SLC24A2: variants seen among roughly 807,000 people sequenced by gnomAD.
The protein encoded by SLC24A2 is sodium/potassium/calcium exchanger 2.
A neutral mutation model predicts 62.0 loss-of-function variants in SLC24A2; 36 were observed. The ratio of observed to expected loss-of-function variants is 0.58; its 90% CI spans 0.44 to 0.77. The LOEUF (loss-of-function observed/expected upper bound fraction) is 0.77, where lower values mean the gene tolerates loss of function less well. Ranked by LOEUF, SLC24A2 falls within the 30% of genes least tolerant of loss-of-function variation. SLC24A2 has a pLI of 0.00. For missense variants in SLC24A2, 846 were observed against 817.9 expected (o/e 1.03, Z -0.42); for synonymous variants, 358 against 294.0 (o/e 1.22, Z -2.23).
intron 4 of SLC24A2, among the ~76,000 whole-genome samples, chr9:19,601,777 C>A (rs1358075173): frequency 2.6e-5 from 4 of 152,116 alleles, no homozygotes; most frequent in African/African-American, 9.7e-5. Context: ...AGCCATGAGA[C>A]CTTGGGCAAG....
chr9:20,196,187 A>G, the SLC24A2 span, among the ~76,000 whole-genome samples: 1 of 151,788 alleles, frequency 6.6e-6, no homozygotes, highest in African/African-American at 2.4e-5. Context: ...CAATATGTAT[A>G]AAAAATCAAT....
the SLC24A2 span, among the ~76,000 whole-genome samples, chr9:20,255,020 A>G: frequency 6.6e-6 from 1 of 152,134 alleles, no homozygotes. Context: ...TACCTCCTAC[A>G]AGGTCCTTCC....
intron 9 of SLC24A2, among the ~76,000 whole-genome samples, chr9:19,527,370 T>A (rs921157359): frequency 7.9e-5 from 12 of 152,206 alleles, no homozygotes; most frequent in African/African-American, 2.9e-4. Context: ...TAATAGTACC[T>A]GCTTCATAGG....
At chr9:20,022,106 C>G in the SLC24A2 span, among the ~76,000 whole-genome samples, 1 of 152,142 alleles carries the variant, frequency 6.6e-6, no homozygotes, top group African/African-American at 2.4e-5. Context: ...GGTATCTTTT[C>G]TTATCAAAAC....
the SLC24A2 span, among the ~76,000 whole-genome samples, chr9:20,226,059 G>T: frequency 1.3e-5 from 2 of 152,106 alleles, no homozygotes; most frequent in Non-Finnish European, 2.9e-5. Context: ...GCTCCTTTCA[G>T]TTCCTAAGGA....
chr9:19,924,661 C>G, the SLC24A2 span, among the ~76,000 whole-genome samples: 1 of 152,176 alleles, frequency 6.6e-6, no homozygotes, highest in Non-Finnish European at 1.5e-5. Flanking sequence ...AAAATAAATA[C>G]TTTTCATTGC....
chr9:20,152,897 C>A, the SLC24A2 span, among the ~76,000 whole-genome samples: 1 of 151,610 alleles, frequency 6.6e-6, no homozygotes, highest in Admixed American at 6.6e-5. Context: ...TCAAAGAGTG[C>A]CTCAAAACTC....
At chr9:20,057,573 C>G in the SLC24A2 span, among the ~76,000 whole-genome samples, 2 of 152,184 alleles carry the variant, frequency 1.3e-5, no homozygotes, top group African/African-American at 2.4e-5. Context: ...CCATCAGCCT[C>G]ATGAGCTATG....
chr9:19,913,588 T>C, the SLC24A2 span, among the ~76,000 whole-genome samples: 6 of 152,094 alleles, frequency 3.9e-5, no homozygotes, highest in African/African-American at 1.2e-4. Flanking sequence ...TTCAGAAAGA[T>C]AGAGATGGAG....
At chr9:19,877,824 T>C in the SLC24A2 span, among the ~76,000 whole-genome samples, 3 of 152,216 alleles carry the variant, frequency 2.0e-5, no homozygotes, top group Admixed American at 1.3e-4. Context: ...CTGGGACTTC[T>C]AGGTTACAAG....
chr9:19,705,042 T>C (rs1163659871), intron 2 of SLC24A2, among the ~76,000 whole-genome samples: 3 of 152,190 alleles, frequency 2.0e-5, no homozygotes, highest in Admixed American at 2.0e-4. Flanking sequence ...AAAATTTACC[T>C]TAATCTTTAT....
At chr9:19,524,418 CAA>C (rs34416897) in intron 9 of SLC24A2, among the ~76,000 whole-genome samples, 339 of 119,016 alleles carry the variant, frequency 2.8e-3, no homozygotes, top group Middle Eastern at 4.7e-3. Flanking sequence ...AAGATAAAGG[CAA>C]AAAAAAAAAA....
At chr9:19,883,632 C>T in the SLC24A2 span, among the ~76,000 whole-genome samples, 1 of 150,640 alleles carries the variant, frequency 6.6e-6, no homozygotes, top group Non-Finnish European at 1.5e-5. Context: ...GTGGTGCTAT[C>T]TCGGCTCACT....
the SLC24A2 span, among the ~76,000 whole-genome samples, chr9:19,821,999 G>A: frequency 6.6e-6 from 1 of 152,078 alleles, no homozygotes; most frequent in Non-Finnish European, 1.5e-5. Context: ...GATATAGTGT[G>A]CAAGACATTT....
At chr9:19,822,724 G>A in the SLC24A2 span, among the ~76,000 whole-genome samples, 1 of 152,048 alleles carries the variant, frequency 6.6e-6, no homozygotes, top group Non-Finnish European at 1.5e-5. Flanking sequence ...ATAAGTTTAT[G>A]GGCTCAGAAT....
intron 1 of SLC24A2, among the ~76,000 whole-genome samples, chr9:19,787,543 T>C (rs907634079): frequency 7.2e-5 from 11 of 152,218 alleles, no homozygotes; most frequent in Admixed American, 7.2e-4. Context: ...AAGTGAGTGA[T>C]TCTTTAATTT....
chr9:20,011,416 A>T, the SLC24A2 span, among the ~76,000 whole-genome samples: 4 of 152,172 alleles, frequency 2.6e-5, no homozygotes, highest in South Asian at 8.3e-4. Context: ...TTCTTTTGAG[A>T]AGTGTCTCAA....
chr9:19,572,336 G>A (rs981397931), intron 7 of SLC24A2, among the ~76,000 whole-genome samples: 2 of 150,720 alleles, frequency 1.3e-5, no homozygotes, highest in African/African-American at 4.9e-5. Context: ...GATAACATAT[G>A]TTGATATGGT....
the SLC24A2 span, among the ~76,000 whole-genome samples, chr9:20,122,757 C>T: frequency 2.0e-5 from 3 of 152,264 alleles, no homozygotes; most frequent in South Asian, 2.1e-4. Context: ...TCTTTTGATG[C>T]CTAGAGAAAT....
Sources: allele counts gnomAD v4.1 joint callset (sites outside exome capture counted in the v4.1 genomes callset), GRCh38; gene constraint gnomAD v4.1.1; transcripts MANE v1.5; gene names NCBI Gene and HGNC (gene_info 2026-07-23, HGNC 2026-07-21).